Variants in CFAP43 observed in about 807,000 individuals in gnomAD.
CFAP43 encodes cilia- and flagella-associated protein 43.
In CFAP43, 155 loss-of-function variants were observed where a neutral mutation model predicts 218.9. The ratio of observed to expected loss-of-function variants is 0.71; its 90% CI spans 0.62 to 0.81. The LOEUF is 0.81. CFAP43 is among the 30% of genes least tolerant of loss of function. The pLI is 0.00. For synonymous variants in CFAP43, 645 were observed against 681.3 expected, an observed-to-expected ratio of 0.95 and a Z score of 0.83; for missense variants, 1,778 against 1,954.3, an observed-to-expected ratio of 0.91 and a Z score of 1.70.
At chr10:104,204,742 G>T (rs894733866) in intron 7 of CFAP43, among the ~76,000 whole-genome samples, 1 of 152,156 alleles carries the variant, frequency 6.6e-6, no homozygotes, top group South Asian at 2.1e-4. Flanking sequence ...GGCTTCCTGA[G>T]GGTAAAATGT....
intron 13 of CFAP43, 127 bp downstream of exon 13, chr10:104,188,142 TA>T: frequency 8.2e-7 from 1 of 1,222,232 alleles, no homozygotes; most frequent in Non-Finnish European, 1.1e-6. Context: ...TTTTACTTTG[TA>T]AAGATAGACA....
chr10:104,179,798 T>G (rs768405721), intron 18 of CFAP43, 42 bp downstream of exon 18: 4 of 1,446,450 alleles, frequency 2.8e-6, no homozygotes, highest in Non-Finnish European at 3.9e-6. Flanking sequence ...TTGGTGCATC[T>G]ACAGAGCACT....
chr10:104,155,918 G>A (rs2088519653), intron 27 of CFAP43, among the ~76,000 whole-genome samples: 1 of 151,946 alleles, frequency 6.6e-6, no homozygotes, highest in African/African-American at 2.4e-5. Context: ...AGGGATTGGG[G>A]GAGGAGGCAG....
At chr10:104,209,831 G>A (rs530011596) in intron 5 of CFAP43, among the ~76,000 whole-genome samples, 1 of 152,256 alleles carries the variant, frequency 6.6e-6, no homozygotes, top group East Asian at 1.9e-4. Flanking sequence ...TGAGACCTGT[G>A]CTATAAAAGG....
chr10:104,149,389 T>C (rs2088138185), intron 28 of CFAP43, among the ~76,000 whole-genome samples: 1 of 152,198 alleles, frequency 6.6e-6, no homozygotes, highest in African/African-American at 2.4e-5. Flanking sequence ...TTAATTGAAA[T>C]ACTTTTATAA....
chr10:104,139,470 A>C (rs2087605650), intron 34 of CFAP43, among the ~76,000 whole-genome samples: 1 of 152,216 alleles, frequency 6.6e-6, no homozygotes, highest in African/African-American at 2.4e-5. Flanking sequence ...CAAATAAAAA[A>C]TCTCAAAGCC....
At chr10:104,202,533 G>A (rs11191946) in intron 8 of CFAP43, among the ~76,000 whole-genome samples, 8,650 of 152,060 alleles carry the variant, frequency 0.057, 292 homozygotes, top group South Asian at 0.13. Context: ...TCACTGTATT[G>A]TTCTTATCTC....
Position 104,143,579 on chromosome 10 carries a change from T to C in CFAP43, c.4005A>G (p.Pro1335=). The C allele has an allele frequency of 1.2e-6, 2 of 1,614,230 alleles. No homozygotes were observed. The highest frequency in any genetic ancestry group is 1.7e-4 in the Middle Eastern group (1 of 6,060). Residue 1335 remains proline (P), a synonymous_variant, in exon 32 of 38, where the codon CCA becomes CCG. Transcript: ENST00000357060. ...TTSVVPFGEL[P]GSGKLNKDAF... is the part of the protein sequence containing the mutation. ...CATCCTTATTCAACTTGCCAGATCC[T>C]GGTAGTTCTCCGAAAGGGACAACGC...
chr10:104,187,482 G>C lies in CFAP43; in HGVS notation c.1698C>G (p.Thr566=), dbSNP rs752885310. The C allele has an allele frequency of 9.5e-6, 15 of 1,575,466 alleles. No homozygotes were observed. Among genetic ancestry groups the C allele is most frequent in the Non-Finnish European group, 1.3e-5 (15 of 1,165,924 alleles). The part of the protein sequence containing the change: ...LPTLLPQVST[T]FADERGRLKD... ...TCAGCCTTCCTCTTTCATCAGCAAA[G>C]GTTGTGGAAACTATTAGATTTGGAA... is the stretch of plus-strand genomic sequence containing the variant. Residue 566 remains threonine, a synonymous_variant, in exon 14 of 38, where the codon ACC becomes ACG. Coordinates refer to ENST00000357060, the MANE Select transcript of CFAP43 (RefSeq NM_025145.7).
chr10:104,193,490 C>T, intron 11 of CFAP43: 1 of 162,448 alleles, frequency 6.2e-6, no homozygotes, highest in South Asian at 1.8e-4. Context: ...TCTTCCTCAC[C>T]TGTCAAATAG....
At chr10:104,138,450 C>T (rs561018053) in intron 34 of CFAP43, among the ~76,000 whole-genome samples, 5 of 152,012 alleles carry the variant, frequency 3.3e-5, no homozygotes, top group African/African-American at 9.7e-5. Flanking sequence ...CTGAGGTGGG[C>T]GGATCACCTG....
chr10:104,203,957 T>G (rs2090608150), intron 7 of CFAP43, among the ~76,000 whole-genome samples, 154 bp from the exon 8 acceptor site: 1 of 152,226 alleles, frequency 6.6e-6, no homozygotes, highest in African/African-American at 2.4e-5. Flanking sequence ...TCATCTTTAT[T>G]TAGACAACTT....
At chr10:104,232,077 C>A in intron 1 of CFAP43, 105 bp downstream of exon 1, 1 of 1,346,132 alleles carries the variant, frequency 7.4e-7, no homozygotes, top group Non-Finnish European at 1.0e-6. Flanking sequence ...GTCGAAGCTG[C>A]GGGGAAAGCC....
chr10:104,177,821 G>A (rs1389963360), intron 19 of CFAP43, among the ~76,000 whole-genome samples: 1 of 152,214 alleles, frequency 6.6e-6, no homozygotes, highest in East Asian at 1.9e-4. Context: ...AACACTGGAA[G>A]CCAGGAGACA....
chr10:104,202,816 TAG>T (rs943634926), intron 8 of CFAP43, among the ~76,000 whole-genome samples: 2 of 147,734 alleles, frequency 1.4e-5, no homozygotes, highest in African/African-American at 4.9e-5. Flanking sequence ...TAAGTTAGCA[TAG>T]TTTTTTTTTT....
chr10:104,230,879 AT>A (rs2091432272), intron 1 of CFAP43, 36 bp from the exon 2 acceptor site: 2 of 1,530,576 alleles, frequency 1.3e-6, no homozygotes, highest in African/African-American at 1.4e-5. Context: ...AATATAATAC[AT>A]TTCAAATACT....
intron 6 of CFAP43, among the ~76,000 whole-genome samples, chr10:104,206,847 G>C (rs189468257): frequency 2.0e-5 from 3 of 152,214 alleles, no homozygotes; most frequent in African/African-American, 7.2e-5. Flanking sequence ...CTATATCTAG[G>C]GCAGAATAGA....
intron 16 of CFAP43, among the ~76,000 whole-genome samples, chr10:104,183,302 C>T (rs1005841424): frequency 1.3e-5 from 2 of 152,090 alleles, no homozygotes; most frequent in Admixed American, 1.3e-4. Flanking sequence ...TACAGACCCC[C>T]TACCTTAAGT....
At chr10:104,224,783 A>C (rs1589818757) in intron 3 of CFAP43, among the ~76,000 whole-genome samples, 1 of 151,092 alleles carries the variant, frequency 6.6e-6, no homozygotes, top group South Asian at 2.1e-4. Context: ...AAAAATTTAC[A>C]TAAACTAAAT....
Sources: gnomAD v4.1 joint callset for allele counts (sites outside exome capture counted in the v4.1 genomes callset) on GRCh38, gnomAD v4.1.1 for gene constraint, MANE v1.5 for transcripts, NCBI Gene and HGNC (gene_info 2026-07-23, HGNC 2026-07-21) for gene names.